The following XPO6 variants were observed in gnomAD, a reference collection of about 807,000 sequenced individuals.
XPO6 encodes the protein exportin-6.
In XPO6, 3 loss-of-function variants were observed where a neutral mutation model predicts 130.0. That is an observed-to-expected ratio of 0.02 (90% confidence interval 0.01 to 0.06). The LOEUF is 0.06. Ranked by LOEUF, XPO6 falls within the 10% of genes least tolerant of loss-of-function variation. The pLI is 1.00. For missense variants in XPO6, 970 were observed against 1,393.0 expected, an observed-to-expected ratio of 0.70 and a Z score of 4.83; for synonymous variants, 524 against 548.9, an observed-to-expected ratio of 0.95 and a Z score of 0.63.
chr16:28,159,765 T>C (rs918532874), intron 6 of XPO6, among the ~76,000 whole-genome samples: 1 of 152,180 alleles, frequency 6.6e-6, no homozygotes, highest in East Asian at 1.9e-4. Context: ...AATTCAAACA[T>C]GTAGTACAAA....
chr16:28,161,412 A>G (rs748031260), intron 6 of XPO6, among the ~76,000 whole-genome samples: 4 of 152,152 alleles, frequency 2.6e-5, no homozygotes, highest in African/African-American at 4.8e-5. Flanking sequence ...CGCCATTATA[A>G]TGAGGATTTT....
At chr16:28,179,195 T>C (rs1295952720) in intron 2 of XPO6, 1 of 152,354 alleles carries the variant, frequency 6.6e-6, no homozygotes, top group Non-Finnish European at 1.5e-5. Flanking sequence ...TAGCACTCAA[T>C]GGTGCTGTTT....
In XPO6 at chr16:28,101,336, A is replaced by T; in HGVS notation, c.3276+122T>A. Reference sequence around the variant, plus strand: ...AGCAGGCATCTCGTGAGCTGCCGCCAAGCTGCAGGGTGGGCACAGACCACG... The same window carrying T: ...AGCAGGCATCTCGTGAGCTGCCGCCTAGCTGCAGGGTGGGCACAGACCACG... On this transcript the variant is annotated intron_variant, in intron 23 of 23. Coordinates refer to ENST00000304658, the MANE Select transcript of XPO6 (RefSeq NM_015171.4). This position sits in a 1 kb window ranked among gnomAD's most constrained non-coding sequence, Gnocchi z 5.4. 1.2e-6 allele frequency: 1 copy of T among 843,318 alleles called. No homozygotes were observed. The highest frequency in any genetic ancestry group is 2.0e-6 in the Non-Finnish European group (1 of 504,974). 52.2% of individuals were successfully genotyped at this position (843,318 alleles called of 1,614,324 possible). A position where few individuals can be genotyped will look rare whatever the true frequency, so the allele number is the denominator to read the frequency against.
At chr16:28,099,332 G>A (rs1374889987) in intron 23 of XPO6, among the ~76,000 whole-genome samples, 3 of 134,702 alleles carry the variant, frequency 2.2e-5, no homozygotes, top group African/African-American at 8.3e-5. Flanking sequence ...ACTCAAACAG[G>A]CCCAGCAAGC....
intron 9 of XPO6, among the ~76,000 whole-genome samples, chr16:28,144,175 C>G (rs989681740): frequency 2.0e-5 from 3 of 152,176 alleles, no homozygotes; most frequent in African/African-American, 4.8e-5. Flanking sequence ...TCACCAAAAA[C>G]AGGATCTCCT....
At chr16:28,146,387 C>A in intron 8 of XPO6, 184 bp from the exon 9 acceptor site, 8 of 559,204 alleles carry the variant, frequency 1.4e-5, no homozygotes, top group Non-Finnish European at 2.6e-5. Context: ...CTGAACCTTA[C>A]AAGACAAGGG....
chr16:28,177,206 TACTG>T lies in XPO6; in HGVS notation c.207+10_207+13del, dbSNP rs1270165866. 6.4e-6 allele frequency: 10 copies of T among 1,562,878 alleles called. No individual in the cohort carries two copies. ...AATCCTTTTCAGAAGAGTATAAAAT[TACTG>T]ACAACTTACCTCAAAAACTGTTAAA... On this transcript the variant is annotated intron_variant, in intron 3 of 23. Transcript: ENST00000304658.
At chr16:28,193,201 A>T (rs905326723) in intron 1 of XPO6, among the ~76,000 whole-genome samples, 1 of 152,164 alleles carries the variant, frequency 6.6e-6, no homozygotes, top group African/African-American at 2.4e-5. Flanking sequence ...AGGCTCTCAA[A>T]ATATCACTGC....
At position 28,176,039 on chromosome 16, in the gene XPO6, A is replaced by G. The variant is rs1477392437; in HGVS notation, c.264T>C (p.Arg88=). Residue 88 remains arginine, a synonymous_variant, in exon 4 of 24, where the codon CGT becomes CGC. Transcript: ENST00000304658. ...CCAAAAGGAGTTTGGGCAGACAGCT[A>G]CGGATTTCCATCTTATCCTGAGATG... The part of the protein sequence containing the change: ...GVPSQDKMEI[R]SCLPKLLLAH... 2 of 1,614,092 alleles carry G rather than the reference A, an allele frequency of 1.2e-6. No individual in the cohort carries two copies. The highest frequency in any genetic ancestry group is 1.7e-6 in the Non-Finnish European group (2 of 1,180,034).
chr16:28,128,259 G>C (rs1354164954), intron 12 of XPO6, among the ~76,000 whole-genome samples: 1 of 152,126 alleles, frequency 6.6e-6, no homozygotes, highest in Non-Finnish European at 1.5e-5. Context: ...GGCTCTGTGG[G>C]AATAAACTCT....
intron 20 of XPO6, among the ~76,000 whole-genome samples, chr16:28,105,217 G>T (rs375170864): frequency 3.1e-4 from 47 of 152,128 alleles, no homozygotes; most frequent in African/African-American, 1.1e-3. Flanking sequence ...AGAAGGGGAG[G>T]GTTTAAAGAA....
At position 28,166,875 on chromosome 16, in the gene XPO6, C is replaced by A. The variant is rs546181041; in HGVS notation, c.566-290G>T. 84 of 954,776 alleles carry A rather than the reference C, an allele frequency of 8.8e-5. No homozygotes were observed. The African/African-American group carries it at 1.4e-3, about 15-fold the overall frequency. 59.1% of individuals were successfully genotyped at this position (954,776 alleles called of 1,614,324 possible). Reference sequence around the variant, plus strand: ...GCATGCACTCACTGGTCACTTAATCCCCATCCTCCTTGACCACACTGTGGC... The same window carrying A: ...GCATGCACTCACTGGTCACTTAATCACCATCCTCCTTGACCACACTGTGGC... On this transcript the variant is annotated intron_variant, in intron 5 of 23. Transcript: ENST00000304658.
Position 28,101,524 on chromosome 16 carries a change from C to G in XPO6, c.3210G>C (p.Leu1070=). 6.2e-7 allele frequency: 1 copy of G among 1,614,246 alleles called. No individual in the cohort carries two copies. The highest frequency in any genetic ancestry group is 8.5e-7 in the Non-Finnish European group (1 of 1,180,038). ...GFFAAFLPEF[L]TSCDGVDANQ... is the part of the protein sequence containing the mutation. Reference sequence around the variant, plus strand: ...TGGCATCCACACCATCACAGCTGGTCAGGAACTCTGGGAGGAAGGCGGCAA... The same window carrying G: ...TGGCATCCACACCATCACAGCTGGTGAGGAACTCTGGGAGGAAGGCGGCAA... Residue 1070 remains leucine, a synonymous_variant, in exon 23 of 24, where the codon CTG becomes CTC. Transcript: ENST00000304658. This position sits in a 1 kb window ranked among gnomAD's most constrained non-coding sequence, Gnocchi z 5.4.
At chr16:28,133,387 GAATTT>G (rs985499454) in intron 11 of XPO6, among the ~76,000 whole-genome samples, 5 of 152,030 alleles carry the variant, frequency 3.3e-5, no homozygotes, top group African/African-American at 4.8e-5. Flanking sequence ...AAGAAGTGAT[GAATTT>G]AATGAAATCT....
chr16:28,166,419 C>T, intron 6 of XPO6, 89 bp downstream of exon 6: 1 of 1,412,612 alleles, frequency 7.1e-7, no homozygotes, highest in Non-Finnish European at 9.7e-7. Flanking sequence ...TCAGCCTCCT[C>T]AGTACTGAGG....
intron 1 of XPO6, among the ~76,000 whole-genome samples, chr16:28,200,378 C>A (rs1004617363): frequency 6.6e-6 from 1 of 152,148 alleles, no homozygotes; most frequent in African/African-American, 2.4e-5. Flanking sequence ...GCCTAATGGG[C>A]TTACCTGAAT....
chr16:28,135,379 G>A, intron 9 of XPO6, 55 bp from the exon 10 acceptor site: 1 of 1,426,914 alleles, frequency 7.0e-7, no homozygotes, highest in Non-Finnish European at 9.9e-7. Context: ...TTAGAATTTG[G>A]AAAATGCCTC....
rs1445993509 is a variant in XPO6 at position 28,177,261 on chromosome 16, T to C, written c.166A>G (p.Arg56Gly). 1.2e-6 allele frequency: 2 copies of C among 1,612,568 alleles called. No individual in the cohort carries two copies. The highest frequency in any genetic ancestry group is 1.8e-4 in the Middle Eastern group (1 of 5,558). The change falls in exon 3 of 24, where the codon AGG (arginine) becomes GGG (glycine). Residue 56 changes from arginine to glycine, a missense_variant. Transcript: ENST00000304658. Reference protein sequence around the residue: ...RFCLYFLSSTRNDYVMMYSLT... With the variant: ...RFCLYFLSSTGNDYVMMYSLT... ...CTGTACATCATTACATAGTCATTCC[T>C]AGTGCTGGAGAGAAAGTACAGGCAG...
At chr16:28,188,407 A>C (rs2043729705) in intron 1 of XPO6, among the ~76,000 whole-genome samples, 1 of 152,194 alleles carries the variant, frequency 6.6e-6, no homozygotes, top group African/African-American at 2.4e-5. Flanking sequence ...AGTATCCCAG[A>C]GTGCCATTCA....
Sources: allele counts gnomAD v4.1 joint callset (sites outside exome capture counted in the v4.1 genomes callset), GRCh38; gene constraint gnomAD v4.1.1; non-coding constraint Gnocchi (gnomAD v3.1); transcripts MANE v1.5; gene names NCBI Gene and HGNC (gene_info 2026-07-23, HGNC 2026-07-21).